TLK1: variants seen among roughly 807,000 people sequenced by gnomAD.
TLK1 encodes the protein serine/threonine-protein kinase tousled-like 1.
In TLK1, 24 loss-of-function variants were observed where a neutral mutation model predicts 105.3. The ratio of observed to expected loss-of-function variants is 0.23; its 90% CI spans 0.17 to 0.32. The LOEUF (loss-of-function observed/expected upper bound fraction) is 0.32, where lower values mean the gene tolerates loss of function less well. Ranked by LOEUF, TLK1 falls within the 10% of genes least tolerant of loss-of-function variation. The probability of loss-of-function intolerance (pLI) is 1.00; values close to 1 mark genes in which losing one functional copy is unlikely to be tolerated. For missense variants in TLK1, 558 were observed against 910.5 expected, an observed-to-expected ratio of 0.61 and a Z score of 4.98; for synonymous variants, 321 against 310.4, an observed-to-expected ratio of 1.03 and a Z score of -0.36.
At chr2:171,180,999 A>G (rs1692920225) in intron 1 of TLK1, among the ~76,000 whole-genome samples, 1 of 152,198 alleles carries the variant, frequency 6.6e-6, no homozygotes, top group South Asian at 2.1e-4. Context: ...GAACAGATTC[A>G]TTCTGTAAAA....
chr2:171,066,367 G>A (rs780694243), intron 3 of TLK1, among the ~76,000 whole-genome samples: 5 of 152,162 alleles, frequency 3.3e-5, no homozygotes, highest in East Asian at 3.9e-4. Flanking sequence ...GTTTAATAAC[G>A]TGTAATATAA....
At chr2:171,207,689 A>C (rs1693531734) in intron 1 of TLK1, among the ~76,000 whole-genome samples, 1 of 152,178 alleles carries the variant, frequency 6.6e-6, no homozygotes, top group African/African-American at 2.4e-5. Flanking sequence ...TCTAAAAATA[A>C]AATCTATTTT....
upstream of TLK1, among the ~76,000 whole-genome samples, chr2:171,161,601 C>A (rs1475455531): frequency 1.3e-5 from 2 of 152,112 alleles, no homozygotes; most frequent in Non-Finnish European, 2.9e-5. Context: ...TATAGCAATT[C>A]TTTGTTTTAA....
At chr2:171,148,711 C>CCT (rs143171600) in intron 1 of TLK1, among the ~76,000 whole-genome samples, 4,799 of 151,410 alleles carry the variant, frequency 0.032, 251 homozygotes, top group African/African-American at 0.11. Flanking sequence ...GGTGACACCC[C>CCT]CTCTCTACCA....
At chr2:171,034,024 C>A (rs1290371752) in intron 11 of TLK1, among the ~76,000 whole-genome samples, 1 of 151,810 alleles carries the variant, frequency 6.6e-6, no homozygotes. Flanking sequence ...AGATGTTCAA[C>A]AACATTAAGT....
intron 1 of TLK1, among the ~76,000 whole-genome samples, chr2:171,146,235 G>A (rs1274253843): frequency 6.6e-6 from 1 of 152,072 alleles, no homozygotes; most frequent in Non-Finnish European, 1.5e-5. Context: ...GAGGTGGGAA[G>A]ATCACTTGAG....
chr2:171,117,609 C>T (rs1340771344), intron 2 of TLK1, 130 bp downstream of exon 2: 10 of 702,914 alleles, frequency 1.4e-5, no homozygotes, highest in East Asian at 5.3e-5. Flanking sequence ...TTTATGAACA[C>T]TGATCTTATT....
chr2:171,149,285 T>C (rs1302745003), intron 1 of TLK1, among the ~76,000 whole-genome samples: 3 of 151,948 alleles, frequency 2.0e-5, no homozygotes, highest in Non-Finnish European at 2.9e-5. Flanking sequence ...TAGTGACTTG[T>C]TAAAGTGCCA....
chr2:171,087,966 G>T (rs1463271163), intron 2 of TLK1, among the ~76,000 whole-genome samples: 1 of 152,162 alleles, frequency 6.6e-6, no homozygotes, highest in Non-Finnish European at 1.5e-5. Flanking sequence ...GGTATGAGAT[G>T]ATAAAAATCT....
intron 12 of TLK1, among the ~76,000 whole-genome samples, chr2:171,027,285 C>T (rs1282334040): frequency 6.6e-6 from 1 of 151,952 alleles, no homozygotes; most frequent in Non-Finnish European, 1.5e-5. Context: ...TTGAAAGAAC[C>T]TGACAAGCAG....
At chr2:171,064,584 C>G (rs1233064164) in intron 3 of TLK1, among the ~76,000 whole-genome samples, 1 of 152,026 alleles carries the variant, frequency 6.6e-6, no homozygotes, top group African/African-American at 2.4e-5. Context: ...TCTTAGCTAT[C>G]CTACTATAAA....
intron 18 of TLK1, among the ~76,000 whole-genome samples, chr2:170,999,986 C>G (rs1221836420): frequency 1.3e-5 from 2 of 152,038 alleles, no homozygotes; most frequent in Non-Finnish European, 2.9e-5. Flanking sequence ...GTCTTCAATT[C>G]CTGGGCTCAA....
intron 1 of TLK1, among the ~76,000 whole-genome samples, chr2:171,223,517 T>C (rs981788460): frequency 1.3e-5 from 2 of 149,010 alleles, no homozygotes; most frequent in South Asian, 2.1e-4. Flanking sequence ...TCTTACTCTG[T>C]TGCCCAGGCT....
intron 10 of TLK1, 29 bp downstream of exon 10, chr2:171,049,785 A>C (rs770620327): frequency 6.2e-7 from 1 of 1,610,554 alleles, no homozygotes; most frequent in Non-Finnish European, 8.5e-7. Flanking sequence ...ACGAATACTA[A>C]AAACTTTTAA....
intron 1 of TLK1, among the ~76,000 whole-genome samples, chr2:171,228,569 A>T (rs1226248137): frequency 6.6e-6 from 1 of 152,158 alleles, no homozygotes; most frequent in Non-Finnish European, 1.5e-5. Flanking sequence ...CCCAAAGATA[A>T]ATAATATTTA....
intron 1 of TLK1, among the ~76,000 whole-genome samples, chr2:171,172,225 TG>T (rs1174759686): frequency 6.6e-6 from 1 of 152,170 alleles, no homozygotes; most frequent in Non-Finnish European, 1.5e-5. Flanking sequence ...AATCATTCTA[TG>T]GGTTAAAAAT....
At chr2:171,161,148 G>A (rs1357224323), upstream of TLK1, among the ~76,000 whole-genome samples, 5 of 148,116 alleles carry the variant, frequency 3.4e-5, no homozygotes, top group South Asian at 1.0e-3. Flanking sequence ...CGGGGTTGCC[G>A]GACTCGCGTG....
intron 11 of TLK1, among the ~76,000 whole-genome samples, chr2:171,028,663 T>A (rs891278760): frequency 1.2e-4 from 19 of 152,248 alleles, no homozygotes; most frequent in Non-Finnish European, 2.9e-5. Flanking sequence ...ATATATTTAA[T>A]ACTTTTAGAT....
intron 12 of TLK1, among the ~76,000 whole-genome samples, chr2:171,016,107 C>A (rs1050131889): frequency 1.3e-4 from 19 of 151,550 alleles, no homozygotes; most frequent in African/African-American, 4.6e-4. Context: ...CACCCGCCGT[C>A]AATAAAAAAA....
Sources: gnomAD v4.1 joint callset for allele counts (sites outside exome capture counted in the v4.1 genomes callset) on GRCh38, gnomAD v4.1.1 for gene constraint, MANE v1.5 for transcripts, NCBI Gene and HGNC (gene_info 2026-07-23, HGNC 2026-07-21) for gene names.